LHFPL3: variants seen among roughly 807,000 people sequenced by gnomAD.
The protein encoded by LHFPL3 is LHFPL tetraspan subfamily member 3.
In LHFPL3, 5 loss-of-function variants were observed where a neutral mutation model predicts 19.3. That is an observed-to-expected ratio of 0.26 (90% CI 0.14 to 0.54). LHFPL3 has a LOEUF of 0.54. LHFPL3 is among the 20% of genes least tolerant of loss of function. The pLI is 0.94. For missense variants in LHFPL3, 249 were observed against 307.4 expected (o/e 0.81, Z 1.42); for synonymous variants, 133 against 126.2 (o/e 1.05, Z -0.36).
chr7:104,674,048 T>C (rs1180031849), intron 1 of LHFPL3, among the ~76,000 whole-genome samples: 1 of 151,200 alleles, frequency 6.6e-6, no homozygotes, highest in Non-Finnish European at 1.5e-5. Context: ...CAGGATCAGC[T>C]GAGAGGCAGG....
intron 1 of LHFPL3, among the ~76,000 whole-genome samples, chr7:104,375,711 A>T (rs917044580): frequency 2.6e-5 from 4 of 152,204 alleles, no homozygotes; most frequent in African/African-American, 9.7e-5. Flanking sequence ...GGTAGAGACA[A>T]TGGGTGCAAA....
intron 2 of LHFPL3, among the ~76,000 whole-genome samples, chr7:104,817,673 C>T (rs1327978323): frequency 2.6e-5 from 4 of 152,078 alleles, no homozygotes; most frequent in African/African-American, 7.2e-5. Flanking sequence ...CCTGATTTGA[C>T]GATTGACAAT....
chr7:104,835,809 G>T (rs898299493), intron 2 of LHFPL3, among the ~76,000 whole-genome samples: 3 of 151,626 alleles, frequency 2.0e-5, no homozygotes, highest in African/African-American at 7.3e-5. Flanking sequence ...AGAACGTGCA[G>T]GTTTGTTACA....
chr7:104,751,374 C>A (rs1327300678), intron 2 of LHFPL3, among the ~76,000 whole-genome samples: 1 of 147,566 alleles, frequency 6.8e-6, no homozygotes, highest in Non-Finnish European at 1.5e-5. Context: ...GAGGGGCAGG[C>A]ACTTCCTGGG....
chr7:104,858,721 TTC>T (rs1242842885), intron 2 of LHFPL3, among the ~76,000 whole-genome samples: 6 of 152,228 alleles, frequency 3.9e-5, no homozygotes, highest in Non-Finnish European at 8.8e-5. Context: ...TCTGTCATTT[TTC>T]TGTCCCAGAG....
chr7:104,572,010 G>T (rs1790239855), intron 1 of LHFPL3, among the ~76,000 whole-genome samples: 1 of 152,112 alleles, frequency 6.6e-6, no homozygotes, highest in Non-Finnish European at 1.5e-5. Context: ...TGAGCCATTT[G>T]GTGGTTATCC....
At chr7:104,434,108 G>C (rs1210981440) in intron 1 of LHFPL3, among the ~76,000 whole-genome samples, 2 of 152,152 alleles carry the variant, frequency 1.3e-5, no homozygotes, top group Non-Finnish European at 2.9e-5. Context: ...AAAAGCATTA[G>C]TATTTTACTA....
chr7:104,707,326 A>C (rs774364329), intron 1 of LHFPL3, among the ~76,000 whole-genome samples: 20 of 152,220 alleles, frequency 1.3e-4, no homozygotes, highest in Non-Finnish European at 2.2e-4. Flanking sequence ...TCAGCCTGAG[A>C]TGAATAAAAC....
chr7:104,815,820 C>A (rs1358185235), intron 2 of LHFPL3, among the ~76,000 whole-genome samples: 1 of 152,134 alleles, frequency 6.6e-6, no homozygotes, highest in Non-Finnish European at 1.5e-5. Flanking sequence ...TTGGGAGACA[C>A]AGGAAAGTTG....
intron 1 of LHFPL3, among the ~76,000 whole-genome samples, chr7:104,663,194 T>A (rs1382578802): frequency 1.3e-5 from 2 of 152,210 alleles, no homozygotes; most frequent in Non-Finnish European, 2.9e-5. Flanking sequence ...CATGTTGAAT[T>A]GGAATCTGAA....
At chr7:104,656,342 G>C (rs573062937) in intron 1 of LHFPL3, among the ~76,000 whole-genome samples, 1 of 152,168 alleles carries the variant, frequency 6.6e-6, no homozygotes, top group East Asian at 1.9e-4. Flanking sequence ...GAGGAGGCCT[G>C]GTGTAGGCCA....
At chr7:104,794,629 G>A (rs1456152532) in intron 2 of LHFPL3, among the ~76,000 whole-genome samples, 2 of 152,148 alleles carry the variant, frequency 1.3e-5, no homozygotes, top group Admixed American at 1.3e-4. Context: ...CATTAAAATA[G>A]GCTACAAGAA....
chr7:104,705,514 C>G (rs553545738), intron 1 of LHFPL3, among the ~76,000 whole-genome samples: 1 of 152,278 alleles, frequency 6.6e-6, no homozygotes, highest in South Asian at 2.1e-4. Flanking sequence ...AGTTCTCTCC[C>G]CCTTCTTTTT....
intron 1 of LHFPL3, among the ~76,000 whole-genome samples, chr7:104,510,119 A>G (rs1165949228): frequency 6.6e-6 from 1 of 151,710 alleles, no homozygotes; most frequent in Admixed American, 6.6e-5. Context: ...TACCATCTTC[A>G]TGGGTTGGAA....
At chr7:104,504,137 T>C (rs1419696704) in intron 1 of LHFPL3, among the ~76,000 whole-genome samples, 2 of 152,196 alleles carry the variant, frequency 1.3e-5, no homozygotes, top group African/African-American at 4.8e-5. Flanking sequence ...TTATTTGTTA[T>C]TCACCTCTGA....
chr7:104,634,867 G>A (rs1791704405), intron 1 of LHFPL3, among the ~76,000 whole-genome samples: 1 of 152,000 alleles, frequency 6.6e-6, no homozygotes, highest in Non-Finnish European at 1.5e-5. Context: ...GGACAGAAAG[G>A]GATCATATGA....
At chr7:104,513,754 C>A (rs1793866512) in intron 1 of LHFPL3, among the ~76,000 whole-genome samples, 1 of 152,182 alleles carries the variant, frequency 6.6e-6, no homozygotes, top group Admixed American at 6.5e-5. Context: ...ATATCTGGAT[C>A]CCATCCCCAA....
At chr7:104,514,735 C>G (rs1408250134) in intron 1 of LHFPL3, among the ~76,000 whole-genome samples, 1 of 152,142 alleles carries the variant, frequency 6.6e-6, no homozygotes, top group Non-Finnish European at 1.5e-5. Context: ...GTCTGGGACT[C>G]AACCAAGATG....
intron 1 of LHFPL3, among the ~76,000 whole-genome samples, chr7:104,635,887 CA>C (rs1177312572): frequency 2.6e-5 from 4 of 152,068 alleles, no homozygotes; most frequent in Non-Finnish European, 5.9e-5. Context: ...GGAAATGGGT[CA>C]ATAAATTAAA....
Sources: allele counts gnomAD v4.1 joint callset (sites outside exome capture counted in the v4.1 genomes callset), GRCh38; gene constraint gnomAD v4.1.1; transcripts MANE v1.5; gene names NCBI Gene and HGNC (gene_info 2026-07-23, HGNC 2026-07-21).